Variants in ATG7 observed in about 807,000 individuals in gnomAD.
ATG7 encodes the protein ubiquitin-like modifier-activating enzyme ATG7.
In ATG7, 70 loss-of-function variants were observed where a neutral mutation model predicts 82.4. That is an observed-to-expected ratio of 0.85 (90% CI 0.70 to 1.04). The LOEUF (loss-of-function observed/expected upper bound fraction) is 1.04, where lower values mean the gene tolerates loss of function less well. ATG7 is among the 50% of genes least tolerant of loss of function. The probability of loss-of-function intolerance (pLI) is 0.00; values close to 1 mark genes in which losing one functional copy is unlikely to be tolerated. For missense variants in ATG7, 792 were observed against 864.3 expected (o/e 0.92, Z 1.05); for synonymous variants, 287 against 313.0 (o/e 0.92, Z 0.88).
chr3:11,365,101 C>G (rs2076513515), intron 18 of ATG7, among the ~76,000 whole-genome samples: 2 of 152,164 alleles, frequency 1.3e-5, no homozygotes. Context: ...TTCTCTGAGG[C>G]TTAGTTTTCT....
intron 19 of ATG7, among the ~76,000 whole-genome samples, chr3:11,414,654 C>A (rs1037728059): frequency 6.6e-6 from 1 of 152,076 alleles, no homozygotes; most frequent in African/African-American, 2.4e-5. Flanking sequence ...CATGGAGAAA[C>A]TTCTGGTTTT....
At chr3:11,455,209 T>A (rs2085585327) in intron 20 of ATG7, among the ~76,000 whole-genome samples, 2 of 152,204 alleles carry the variant, frequency 1.3e-5, no homozygotes, top group African/African-American at 4.8e-5. Flanking sequence ...CCTTGTTGAT[T>A]TTTTGCAGCC....
chr3:11,446,127 C>T (rs952644214), intron 20 of ATG7, among the ~76,000 whole-genome samples: 3 of 151,236 alleles, frequency 2.0e-5, no homozygotes, highest in Admixed American at 6.6e-5. Flanking sequence ...TCAGCATCCT[C>T]ATTTGCTAAA....
At chr3:11,459,491 G>C (rs1007156660) in intron 20 of ATG7, among the ~76,000 whole-genome samples, 1 of 68,016 alleles carries the variant, frequency 1.5e-5, no homozygotes, top group Non-Finnish European at 2.6e-5. Flanking sequence ...AAAAACAGGA[G>C]CCAAGTGTTT....
At chr3:11,449,307 G>C (rs2084880378) in intron 20 of ATG7, among the ~76,000 whole-genome samples, 1 of 152,096 alleles carries the variant, frequency 6.6e-6, no homozygotes, top group Non-Finnish European at 1.5e-5. Context: ...AGAAGTTTGA[G>C]GCTGCAGTGA....
intron 19 of ATG7, among the ~76,000 whole-genome samples, chr3:11,406,475 T>TAAAAA (rs561735434): frequency 6.6e-6 from 1 of 150,412 alleles, no homozygotes. Flanking sequence ...CCAGTTAACT[T>TAAAAA]AAAAAAAAAA....
chr3:11,509,888 G>A (rs1006015620), intron 20 of ATG7, among the ~76,000 whole-genome samples: 1 of 152,110 alleles, frequency 6.6e-6, no homozygotes, highest in South Asian at 2.1e-4. Context: ...TATTTACTGG[G>A]TCTTGTGATT....
At chr3:11,274,168 G>A (rs1405928863) in intron 1 of ATG7, among the ~76,000 whole-genome samples, 1 of 151,938 alleles carries the variant, frequency 6.6e-6, no homozygotes, top group African/African-American at 2.4e-5. Context: ...TCAACCACAG[G>A]TTCCGTTTTT....
At chr3:11,575,725 T>A in the ATG7 span, among the ~76,000 whole-genome samples, 2 of 152,200 alleles carry the variant, frequency 1.3e-5, no homozygotes, top group Non-Finnish European at 2.9e-5. Context: ...ATTCTCCCTA[T>A]GGTGGCCCAA....
At chr3:11,465,724 C>T (rs148382571) in intron 20 of ATG7, among the ~76,000 whole-genome samples, 328 of 151,966 alleles carry the variant, frequency 2.2e-3, no homozygotes, top group African/African-American at 7.2e-3. Flanking sequence ...GTGATTGCAC[C>T]ACTGCACACC....
intron 14 of ATG7, among the ~76,000 whole-genome samples, chr3:11,355,109 G>A (rs940855800): frequency 1.9e-4 from 29 of 152,158 alleles, no homozygotes; most frequent in Non-Finnish European, 5.9e-5. Flanking sequence ...ACTGAATAGC[G>A]AGCTGTGTGT....
chr3:11,341,343 A>T (rs528816633), intron 12 of ATG7, among the ~76,000 whole-genome samples: 1 of 152,112 alleles, frequency 6.6e-6, no homozygotes, highest in South Asian at 2.1e-4. Flanking sequence ...TACAGGCATG[A>T]GCCACCACAC....
At chr3:11,380,739 T>A (rs1466587149) in intron 19 of ATG7, among the ~76,000 whole-genome samples, 1 of 152,192 alleles carries the variant, frequency 6.6e-6, no homozygotes, top group East Asian at 1.9e-4. Flanking sequence ...CCTGGGCTTT[T>A]AAGGCTCATG....
At chr3:11,299,489 C>A in intron 5 of ATG7, 73 bp downstream of exon 5, 1 of 1,464,724 alleles carries the variant, frequency 6.8e-7, no homozygotes, top group Non-Finnish European at 9.5e-7. Context: ...GCTTGCCTCC[C>A]TCATAGGTGG....
intron 20 of ATG7, among the ~76,000 whole-genome samples, chr3:11,452,509 A>T (rs141969744): frequency 6.6e-6 from 1 of 152,198 alleles, no homozygotes; most frequent in East Asian, 1.9e-4. Context: ...TACGTGAATT[A>T]TATCTCAATA....
chr3:11,303,408 G>A (rs1388942169), intron 5 of ATG7, among the ~76,000 whole-genome samples: 1 of 152,168 alleles, frequency 6.6e-6, no homozygotes, highest in African/African-American at 2.4e-5. Context: ...GGTGGCTCAC[G>A]CCTGTAATCC....
Position 11,329,345 on chromosome 3 carries a change from A to T in ATG7, c.679-1995A>T, listed in dbSNP as rs532377282. On this transcript the variant is annotated intron_variant, in intron 9 of 20. Transcript: ENST00000693202. The stretch of plus-strand genomic sequence containing the variant: ...AAAAGGGAGTGTTTAGGGTGATTCC[A>T]TCCTTACAGAACTAACTGGATCTAG... Among the ~76,000 whole-genome samples the T allele has an allele frequency of 1.2e-4, 18 of 152,258 alleles. No individual in the cohort carries two copies. In the South Asian group the frequency reaches 3.5e-3, roughly 30 times the overall value.
intron 7 of ATG7, among the ~76,000 whole-genome samples, chr3:11,311,171 G>GT (rs1559370873): frequency 1.3e-5 from 2 of 152,198 alleles, no homozygotes; most frequent in East Asian, 3.9e-4. Context: ...AAAAAAAATT[G>GT]TAAGTATCTA....
intron 19 of ATG7, among the ~76,000 whole-genome samples, chr3:11,407,358 G>T (rs1303347502): frequency 6.6e-6 from 1 of 152,218 alleles, no homozygotes; most frequent in African/African-American, 2.4e-5. Flanking sequence ...TTTGCAGGGT[G>T]CAGCCTCCCT....
Sources: allele counts gnomAD v4.1 joint callset (sites outside exome capture counted in the v4.1 genomes callset), GRCh38; gene constraint gnomAD v4.1.1; transcripts MANE v1.5; gene names NCBI Gene and HGNC (gene_info 2026-07-23, HGNC 2026-07-21).